LRRIQ1: variants seen among roughly 807,000 people sequenced by gnomAD.
LRRIQ1 encodes the protein leucine-rich repeat- and IQ domain-containing protein 1.
LRRIQ1 carries 210 observed loss-of-function variants against 211.9 expected under a neutral mutation model. The ratio of observed to expected loss-of-function variants is 0.99; its 90% CI spans 0.89 to 1.11. The LOEUF (loss-of-function observed/expected upper bound fraction) is 1.11. Among genes scored for constraint, LRRIQ1 ranks in the 50% most tolerant of loss-of-function variants. The pLI is 0.00. For synonymous variants in LRRIQ1, 699 were observed against 650.1 expected, an observed-to-expected ratio of 1.08 and a Z score of -1.14; for missense variants, 2,136 against 1,939.5, an observed-to-expected ratio of 1.10 and a Z score of -1.90.
chr12:85,197,226 G>A (rs1892969029), intron 24 of LRRIQ1, among the ~76,000 whole-genome samples: 1 of 151,792 alleles, frequency 6.6e-6, no homozygotes, highest in Admixed American at 6.6e-5. Flanking sequence ...TTACACTGTT[G>A]GTGGGACTTT....
intron 13 of LRRIQ1, among the ~76,000 whole-genome samples, chr12:85,101,909 A>G (rs1052326619): frequency 2.6e-5 from 4 of 151,712 alleles, no homozygotes; most frequent in African/African-American, 7.2e-5. Flanking sequence ...TTTATAACCT[A>G]TATGTTACCG....
intron 19 of LRRIQ1, among the ~76,000 whole-genome samples, chr12:85,151,437 A>T (rs1380666281): frequency 1.3e-5 from 2 of 151,666 alleles, no homozygotes; most frequent in African/African-American, 4.8e-5. Flanking sequence ...TTTAAATCAT[A>T]AAATGTTTGA....
In LRRIQ1 at chr12:85,056,555, A is replaced by G; in HGVS notation, c.1762A>G (p.Lys588Glu). The stretch of plus-strand genomic sequence containing the variant: ...GCAGAAAAAGATACAAAAAGTAGAA[A>G]AAGAAGAGATACAAGAACAGAATGG... ...NQQKKIQKVE[K>E]EEIQEQNGLL... Residue 588 changes from lysine (K) to glutamate (E), a missense_variant, in exon 8 of 27, where the codon AAA (lysine) becomes GAA (glutamate). Lys to Glu is a moderately conservative substitution (Grantham distance 56). Coordinates refer to ENST00000393217, the MANE Select transcript of LRRIQ1 (RefSeq NM_001079910.2). The G allele has an allele frequency of 6.2e-7, 1 of 1,606,382 alleles. No individual in the cohort carries two copies. Among genetic ancestry groups the G allele is most frequent in the South Asian group, 1.1e-5 (1 of 89,558 alleles).
chr12:85,136,750 T>G (rs1371985689), intron 18 of LRRIQ1, among the ~76,000 whole-genome samples: 1 of 151,838 alleles, frequency 6.6e-6, no homozygotes, highest in Non-Finnish European at 1.5e-5. Flanking sequence ...AACAATATGA[T>G]TACTGAAAAC....
In LRRIQ1 at chr12:85,054,959, A is replaced by G. The variant is rs77788305; in HGVS notation, c.754-588A>G. Among the ~76,000 whole-genome samples the G allele has an allele frequency of 6.4e-3, 977 of 152,200 alleles. 7 individuals carry two copies. The highest frequency in any genetic ancestry group is 0.022 in the African/African-American group (908 of 41,546). ...TAGTAAAAATAATATTTTCTCACCTAACTCTAAATATTTCATTAAATGCAG... is the reference window on the plus strand; with the variant it reads ...TAGTAAAAATAATATTTTCTCACCTGACTCTAAATATTTCATTAAATGCAG... On this transcript the variant is annotated intron_variant, in intron 7 of 26. Coordinates refer to ENST00000393217, the MANE Select transcript of LRRIQ1 (RefSeq NM_001079910.2).
intron 10 of LRRIQ1, among the ~76,000 whole-genome samples, chr12:85,067,976 C>T (rs776811662): frequency 9.9e-5 from 15 of 151,888 alleles, no homozygotes; most frequent in East Asian, 1.9e-4. Context: ...CACTGAAATG[C>T]GACTCAGGTT....
intron 24 of LRRIQ1, among the ~76,000 whole-genome samples, chr12:85,207,872 A>G (rs913650557): frequency 7.9e-5 from 12 of 152,046 alleles, no homozygotes; most frequent in Non-Finnish European, 1.5e-4. Flanking sequence ...CTTGTCTATT[A>G]TGTTCCACTG....
chr12:85,046,589 C>CT (rs1408995526), intron 5 of LRRIQ1, among the ~76,000 whole-genome samples: 2 of 152,020 alleles, frequency 1.3e-5, no homozygotes, highest in Admixed American at 1.3e-4. Context: ...TATTTTTTTA[C>CT]TTTAAGATTC....
intron 11 of LRRIQ1, among the ~76,000 whole-genome samples, chr12:85,080,942 T>C (rs1592755473): frequency 6.6e-6 from 1 of 152,074 alleles, no homozygotes; most frequent in South Asian, 2.1e-4. Context: ...TAGAGGCTAG[T>C]ATATTATTAT....
intron 24 of LRRIQ1, among the ~76,000 whole-genome samples, chr12:85,171,766 T>G (rs1349602101): frequency 2.0e-5 from 3 of 151,882 alleles, no homozygotes; most frequent in Admixed American, 1.3e-4. Context: ...ACACCAGGAG[T>G]GTGTGGGTAC....
At chr12:85,114,567 A>G (rs1468534912) in intron 15 of LRRIQ1, among the ~76,000 whole-genome samples, 1 of 152,040 alleles carries the variant, frequency 6.6e-6, no homozygotes, top group East Asian at 1.9e-4. Flanking sequence ...GACATATTTT[A>G]TTACAAATTT....
In LRRIQ1 at chr12:85,056,542, A is replaced by T; in HGVS notation, c.1749A>T (p.Ile583=). The T allele has an allele frequency of 6.2e-7, 1 of 1,609,054 alleles. No individual in the cohort carries two copies. The highest frequency in any genetic ancestry group is 8.5e-7 in the Non-Finnish European group (1 of 1,177,944). ...KIIKDNQQKK[I]QKVEKEEIQE... is the part of the protein sequence containing the mutation. ...TCAAAGATAATCAGCAGAAAAAGAT[A>T]CAAAAAGTAGAAAAAGAAGAGATAC... The change falls in exon 8 of 27, where the codon ATA becomes ATT. Residue 583 remains isoleucine (I), a synonymous_variant. Coordinates refer to ENST00000393217, the MANE Select transcript of LRRIQ1 (RefSeq NM_001079910.2).
intron 24 of LRRIQ1, among the ~76,000 whole-genome samples, chr12:85,177,592 A>G (rs1891771236): frequency 6.6e-6 from 1 of 152,140 alleles, no homozygotes; most frequent in Non-Finnish European, 1.5e-5. Flanking sequence ...GAAGGTTGGT[A>G]TGGCTAGAGA....
downstream of LRRIQ1, among the ~76,000 whole-genome samples, chr12:85,247,561 A>G (rs1324972100): frequency 6.6e-6 from 1 of 151,636 alleles, no homozygotes; most frequent in East Asian, 1.9e-4. Context: ...TTAACCTCTA[A>G]CATTAAGTTT....
Position 85,198,064 on chromosome 12 carries a change from C to G in LRRIQ1, c.4823-31453C>G, listed in dbSNP as rs11116741. ...TAATATATTATATAATTATATATAACATATTATTTATATATAATTTATTAT... is the reference window on the plus strand; with the variant it reads ...TAATATATTATATAATTATATATAAGATATTATTTATATATAATTTATTAT... On this transcript the variant is annotated intron_variant, in intron 24 of 26. Transcript: ENST00000393217. 3.0e-4 allele frequency among the ~76,000 whole-genome samples: 13 copies of G among 43,438 alleles called. No homozygotes were observed. In the African/African-American group the frequency reaches 4.8e-3, roughly 16 times the overall value. 28.5% of individuals were successfully genotyped at this position (43,438 alleles called of 152,430 possible). A position where few individuals can be genotyped will look rare whatever the true frequency, so the allele number is the denominator to read the frequency against.
intron 15 of LRRIQ1, among the ~76,000 whole-genome samples, chr12:85,114,236 T>A (rs898917444): frequency 6.6e-6 from 1 of 152,022 alleles, no homozygotes; most frequent in Non-Finnish European, 1.5e-5. Flanking sequence ...TGATGGGTTG[T>A]TTTTAGGTGG....
chr12:85,140,827 C>T (rs1374082631), intron 19 of LRRIQ1, among the ~76,000 whole-genome samples: 1 of 151,170 alleles, frequency 6.6e-6, no homozygotes, highest in African/African-American at 2.4e-5. Flanking sequence ...ATGATGGTGA[C>T]TTTATATGCA....
chr12:85,269,192 A>G (rs907231929), downstream of LRRIQ1, among the ~76,000 whole-genome samples: 13 of 151,954 alleles, frequency 8.6e-5, no homozygotes, highest in African/African-American at 3.1e-4. Flanking sequence ...GTGAGTGGGA[A>G]ACAGGATTGG....
intron 6 of LRRIQ1, among the ~76,000 whole-genome samples, chr12:85,051,599 T>C (rs1880330251): frequency 6.6e-6 from 1 of 152,228 alleles, no homozygotes; most frequent in African/African-American, 2.4e-5. Flanking sequence ...TGCCCATTAT[T>C]ATTTTTTATA....
Sources: allele counts gnomAD v4.1 joint callset (sites outside exome capture counted in the v4.1 genomes callset), GRCh38; gene constraint gnomAD v4.1.1; transcripts MANE v1.5; gene names NCBI Gene and HGNC (gene_info 2026-07-23, HGNC 2026-07-21).